RIN2: variants seen among roughly 807,000 people sequenced by gnomAD.
The protein encoded by RIN2 is Ras and Rab interactor 2.
RIN2 carries 36 observed loss-of-function variants against 78.0 expected under a neutral mutation model. The ratio of observed to expected loss-of-function variants is 0.46; its 90% CI spans 0.35 to 0.61. The LOEUF (loss-of-function observed/expected upper bound fraction) is 0.61. Among genes scored for constraint, RIN2 ranks in the 20% least tolerant of loss-of-function variants. The pLI is 0.00. For synonymous variants in RIN2, 466 were observed against 466.8 expected, an observed-to-expected ratio of 1.00 and a Z score of 0.02; for missense variants, 1,087 against 1,159.7, an observed-to-expected ratio of 0.94 and a Z score of 0.91.
chr20:19,775,874 A>G (rs754898167), intron 1 of RIN2, among the ~76,000 whole-genome samples: 8 of 152,230 alleles, frequency 5.3e-5, no homozygotes, highest in Non-Finnish European at 1.2e-4. Flanking sequence ...CTCACCCTCC[A>G]CAGGCTGTCA....
In RIN2 at chr20:19,990,820, T is replaced by G. The variant is rs137996234; in HGVS notation, c.2068+509T>G. On this transcript the variant is annotated intron_variant, in intron 10 of 12. Transcript: ENST00000255006. ...GAGGGTTTGTGTCAATGACCTATAG[T>G]ATGTGAAAGAAACTCTGAACATTCA... is the stretch of plus-strand genomic sequence containing the variant. 1.8e-4 allele frequency among the ~76,000 whole-genome samples: 28 copies of G among 152,316 alleles called. 1 individual carries two copies. Among genetic ancestry groups the G allele is most frequent in the Middle Eastern group, 3.4e-3 (1 of 294 alleles).
chr20:19,809,814 A>G (rs954234527), intron 2 of RIN2: 1 of 152,274 alleles, frequency 6.6e-6, no homozygotes, highest in African/African-American at 2.4e-5. Context: ...GTGCACACAT[A>G]CATGAACCAC....
chr20:19,867,788 G>A (rs1162747600), intron 2 of RIN2, among the ~76,000 whole-genome samples: 1 of 152,216 alleles, frequency 6.6e-6, no homozygotes, highest in Non-Finnish European at 1.5e-5. Flanking sequence ...TGCAGTGGGA[G>A]AATTTTAAGA....
At chr20:19,817,850 G>A (rs1410167383) in intron 2 of RIN2, among the ~76,000 whole-genome samples, 1 of 152,104 alleles carries the variant, frequency 6.6e-6, no homozygotes, top group Non-Finnish European at 1.5e-5. Context: ...ATTGAATATC[G>A]CCTCTCCAAA....
chr20:19,759,758 G>C (rs1029539590), intron 1 of RIN2, among the ~76,000 whole-genome samples: 5 of 152,158 alleles, frequency 3.3e-5, no homozygotes, highest in East Asian at 1.9e-4. Flanking sequence ...CCAGCTACTC[G>C]GGAGGCTGAG....
intron 2 of RIN2, among the ~76,000 whole-genome samples, chr20:19,801,324 C>CTTGT (rs796810086): frequency 6.6e-6 from 1 of 150,924 alleles, no homozygotes; most frequent in Admixed American, 6.6e-5. Flanking sequence ...AAATGGAGTT[C>CTTGT]TTGTTTGTTT....
intron 2 of RIN2, chr20:19,886,737 A>T: frequency 1.3e-6 from 2 of 1,547,408 alleles, no homozygotes; most frequent in South Asian, 1.2e-5. Context: ...ACAAGCTTCC[A>T]ACCGGTACAA....
intron 1 of RIN2, among the ~76,000 whole-genome samples, chr20:19,772,314 C>T (rs1460674873): frequency 6.6e-6 from 1 of 152,196 alleles, no homozygotes; most frequent in Non-Finnish European, 1.5e-5. Flanking sequence ...GTCCCCAAGT[C>T]TCTTCCTCCA....
intron 1 of RIN2, among the ~76,000 whole-genome samples, chr20:19,786,362 G>A (rs186275908): frequency 6.6e-6 from 1 of 152,296 alleles, no homozygotes; most frequent in Non-Finnish European, 1.5e-5. Flanking sequence ...CATGCTATGA[G>A]GAAACCCAAA....
chr20:19,835,105 AAAG>A (rs1265677324), intron 2 of RIN2, among the ~76,000 whole-genome samples: 2 of 146,008 alleles, frequency 1.4e-5, no homozygotes, highest in African/African-American at 5.0e-5. Context: ...AAGAAGAAAG[AAAG>A]AAAGAGGGAG....
At chr20:19,873,595 A>C (rs760315950) in intron 2 of RIN2, among the ~76,000 whole-genome samples, 5 of 152,192 alleles carry the variant, frequency 3.3e-5, no homozygotes, top group Admixed American at 1.3e-4. Flanking sequence ...TCTCAAAAGC[A>C]CATGGTAGGT....
In RIN2 at chr20:19,766,897, G is replaced by A. The variant is rs187684036; in HGVS notation, c.-163+8570G>A. Among the ~76,000 whole-genome samples the A allele has an allele frequency of 1.9e-4, 28 of 150,202 alleles. No homozygotes were observed. In the East Asian group the frequency reaches 4.9e-3, roughly 26 times the overall value. ...ACTGCACTCCAGCCTGGGCAATAGC[G>A]TGAGACTCCATCTCAGAAAAAAAAA... is the stretch of plus-strand genomic sequence containing the variant. On this transcript the variant is annotated intron_variant, in intron 1 of 12. Coordinates refer to ENST00000255006, the MANE Select transcript of RIN2 (RefSeq NM_018993.4).
At chr20:19,845,748 T>A (rs1346189774) in intron 2 of RIN2, among the ~76,000 whole-genome samples, 2 of 152,028 alleles carry the variant, frequency 1.3e-5, no homozygotes, top group Admixed American at 6.6e-5. Flanking sequence ...CCCATTTGTC[T>A]ATTTTGGCTT....
At chr20:19,844,745 T>TTC in intron 2 of RIN2, among the ~76,000 whole-genome samples, 1 of 136,952 alleles carries the variant, frequency 7.3e-6, no homozygotes, top group Non-Finnish European at 1.6e-5. Flanking sequence ...TCTTCTTCTT[T>TTC]TAATTATACT....
intron 2 of RIN2, among the ~76,000 whole-genome samples, chr20:19,799,998 A>G (rs887935189): frequency 1.3e-5 from 2 of 152,174 alleles, no homozygotes; most frequent in Non-Finnish European, 2.9e-5. Context: ...AAGGGAAACC[A>G]TTCACATTTT....
chr20:19,935,194 C>A lies in RIN2; in HGVS notation c.153C>A (p.Thr51=). 3 of 1,594,930 alleles carry A rather than the reference C, an allele frequency of 1.9e-6. No individual in the cohort carries two copies. The highest frequency in any genetic ancestry group is 1.7e-6 in the Non-Finnish European group (2 of 1,170,672). The part of the protein sequence containing the change: ...NLENGLEPAE[T]HSMVRHKDGG... ...AAAATGGCCTGGAACCCGCTGAAAC[C>A]CACAGGTGACCAGAGACACGGTTAG... The change falls in exon 4 of 13, where the codon ACC becomes ACA. Residue 51 remains threonine (T), a synonymous_variant. Coordinates refer to ENST00000255006, the MANE Select transcript of RIN2 (RefSeq NM_018993.4).
intron 11 of RIN2, among the ~76,000 whole-genome samples, chr20:19,992,835 T>C (rs1292960089): frequency 1.1e-4 from 17 of 152,240 alleles, no homozygotes; most frequent in Admixed American, 1.1e-3. Flanking sequence ...CTTATATTAG[T>C]GAAATGGATA....
intron 1 of RIN2, among the ~76,000 whole-genome samples, chr20:19,780,267 G>T (rs1271295852): frequency 6.6e-6 from 1 of 152,168 alleles, no homozygotes; most frequent in Non-Finnish European, 1.5e-5. Flanking sequence ...AATAGCAAGG[G>T]AATAATCATG....
At chr20:19,827,306 C>T (rs1042133766) in intron 2 of RIN2, among the ~76,000 whole-genome samples, 12 of 152,108 alleles carry the variant, frequency 7.9e-5, no homozygotes, top group Non-Finnish European at 1.6e-4. Flanking sequence ...AATAGCCCTG[C>T]GAAGTACATA....
Sources: gnomAD v4.1 joint callset for allele counts (sites outside exome capture counted in the v4.1 genomes callset) on GRCh38, gnomAD v4.1.1 for gene constraint, MANE v1.5 for transcripts, NCBI Gene and HGNC (gene_info 2026-07-23, HGNC 2026-07-21) for gene names.